The following UCK2 variants were observed in gnomAD, a reference collection of about 807,000 sequenced individuals.
UCK2 encodes cytidine monophosphokinase 2.
In UCK2, 6 loss-of-function variants were observed where a neutral mutation model predicts 30.8. The observed-to-expected ratio is 0.19, with a 90% CI of 0.11 to 0.38. The LOEUF (loss-of-function observed/expected upper bound fraction) is 0.38. UCK2 is among the 10% of genes least tolerant of loss of function. The pLI is 1.00. For missense variants in UCK2, 210 were observed against 339.8 expected (o/e 0.62, Z 3.00); for synonymous variants, 125 against 133.6 (o/e 0.94, Z 0.45).
intron 1 of UCK2, among the ~76,000 whole-genome samples, chr1:165,840,320 A>G (rs1173124495): frequency 6.6e-6 from 1 of 152,272 alleles, no homozygotes; most frequent in Non-Finnish European, 1.5e-5. Flanking sequence ...ATGTATGTAT[A>G]CATTGTGGAA....
rs1289373904 is a variant in UCK2, at chr1:165,828,024, A to C, written c.99+92A>C. ...GGCCGCGGGCCGTGTCAGTTGCGGC[A>C]GCCACCGCGTGGCCCGCGCGCCTCC... On this transcript the variant is annotated intron_variant, in intron 1 of 6. Coordinates refer to ENST00000367879, the MANE Select transcript of UCK2 (RefSeq NM_012474.5). 11 of 1,023,498 alleles carry C rather than the reference A, an allele frequency of 1.1e-5. No individual in the cohort carries two copies. The Admixed American group carries it at 1.4e-4, about 13-fold the overall frequency. 63.4% of individuals were successfully genotyped at this position (1,023,498 alleles called of 1,614,324 possible).
At chr1:165,829,628 A>T (rs1310340592) in intron 1 of UCK2, among the ~76,000 whole-genome samples, 1 of 152,208 alleles carries the variant, frequency 6.6e-6, no homozygotes, top group African/African-American at 2.4e-5. Context: ...CTAAAAGGTG[A>T]ATAACTCTGT....
chr1:165,849,333 C>T (rs533533938), intron 1 of UCK2, among the ~76,000 whole-genome samples: 65 of 152,162 alleles, frequency 4.3e-4, no homozygotes, highest in African/African-American at 1.4e-3. Context: ...AGAACCTGAC[C>T]GAGAGGCAAA....
At position 165,864,534 on chromosome 1, in the gene UCK2, A is replaced by G. The variant is rs112584982; in HGVS notation, c.100-25670A>G. ...ATAGTATAAAGAAGAAAAAACTTTCATGACCCAAACCTAACCATTAACTAA... is the reference window on the plus strand; with the variant it reads ...ATAGTATAAAGAAGAAAAAACTTTCGTGACCCAAACCTAACCATTAACTAA... On this transcript the variant is annotated intron_variant, in intron 1 of 6. Transcript: ENST00000367879. Among the ~76,000 whole-genome samples the G allele has an allele frequency of 3.3e-3, 497 of 152,352 alleles. 3 individuals are homozygous for G. The highest frequency in any genetic ancestry group is 0.011 in the African/African-American group (467 of 41,586).
chr1:165,836,145 T>G lies in UCK2; in HGVS notation c.99+8213T>G, dbSNP rs529127879. On this transcript the variant is annotated intron_variant, in intron 1 of 6. Coordinates refer to ENST00000367879, the MANE Select transcript of UCK2 (RefSeq NM_012474.5). ...CCGGAGGCTGAGGCAGGAGAATCAC[T>G]TGAACCCAGGAAGCAGAGGTTGCAG... Among the ~76,000 whole-genome samples the G allele has an allele frequency of 1.9e-4, 29 of 152,142 alleles. No homozygotes were observed. The East Asian group carries it at 5.6e-3, about 29-fold the overall frequency.
intron 1 of UCK2, among the ~76,000 whole-genome samples, chr1:165,845,231 T>C (rs565526441): frequency 3.3e-5 from 5 of 152,230 alleles, no homozygotes; most frequent in Non-Finnish European, 7.4e-5. Flanking sequence ...TGGTTGCTGG[T>C]GGGGAGAAAT....
intron 1 of UCK2, among the ~76,000 whole-genome samples, chr1:165,872,388 A>T (rs543385596): frequency 6.6e-6 from 1 of 152,192 alleles, no homozygotes; most frequent in African/African-American, 2.4e-5. Context: ...TTTTAGGCAT[A>T]TAAAAGATGT....
intron 1 of UCK2, among the ~76,000 whole-genome samples, chr1:165,838,605 A>T (rs1217885092): frequency 2.6e-5 from 4 of 151,964 alleles, no homozygotes; most frequent in Non-Finnish European, 1.5e-5. Context: ...TTGCTGGGGG[A>T]TGTGGATAGT....
intron 4 of UCK2, 128 bp from the exon 5 acceptor site, chr1:165,903,054 C>A: frequency 1.4e-6 from 1 of 690,032 alleles, no homozygotes; most frequent in Non-Finnish European, 2.5e-6. Flanking sequence ...TCAAGCCTCT[C>A]AGGATTCCAG....
intron 1 of UCK2, among the ~76,000 whole-genome samples, chr1:165,839,667 G>T (rs115850843): frequency 2.0e-5 from 3 of 152,160 alleles, no homozygotes; most frequent in Non-Finnish European, 4.4e-5. Context: ...AGTGGAGAAC[G>T]TGCGTGGGTT....
chr1:165,875,679 C>T (rs1179550878), intron 1 of UCK2, among the ~76,000 whole-genome samples: 1 of 152,188 alleles, frequency 6.6e-6, no homozygotes, highest in Non-Finnish European at 1.5e-5. Context: ...GCTCACAGAA[C>T]TCAGGGAAAC....
At chr1:165,857,822 C>T (rs1654788738) in intron 1 of UCK2, among the ~76,000 whole-genome samples, 1 of 152,180 alleles carries the variant, frequency 6.6e-6, no homozygotes, top group African/African-American at 2.4e-5. Context: ...GTTGGCCTTA[C>T]TTTCTCCCTT....
At chr1:165,840,080 G>A (rs1390974430) in intron 1 of UCK2, among the ~76,000 whole-genome samples, 4 of 152,194 alleles carry the variant, frequency 2.6e-5, no homozygotes, top group African/African-American at 4.8e-5. Flanking sequence ...CACCATGCCC[G>A]GCTACTTGTT....
chr1:165,905,843 C>T, intron 5 of UCK2, 78 bp from the exon 6 acceptor site: 1 of 1,368,554 alleles, frequency 7.3e-7, no homozygotes, highest in South Asian at 1.2e-5. Context: ...CTGCCCTTTC[C>T]CCATATTCCC....
At chr1:165,885,427 TTTG>T (rs1201034570) in intron 1 of UCK2, 3 of 398,320 alleles carry the variant, frequency 7.5e-6, no homozygotes, top group African/African-American at 6.2e-5. Flanking sequence ...TTCCATAGAT[TTTG>T]TTTTTTCCTT....
chr1:165,844,343 G>C (rs758841952), intron 1 of UCK2, among the ~76,000 whole-genome samples: 2 of 152,244 alleles, frequency 1.3e-5, no homozygotes, highest in Non-Finnish European at 2.9e-5. Context: ...TTCAGCACCT[G>C]TGGTACTGTG....
chr1:165,897,855 A>T (rs938462976), intron 4 of UCK2: 4 of 152,198 alleles, frequency 2.6e-5, no homozygotes, highest in Admixed American at 2.0e-4. Context: ...GTGTGATGGA[A>T]AAAAGAATGG....
intron 1 of UCK2, among the ~76,000 whole-genome samples, chr1:165,851,868 T>C (rs1327531191): frequency 6.6e-6 from 1 of 152,140 alleles, no homozygotes; most frequent in Non-Finnish European, 1.5e-5. Context: ...CTGTGTTAGT[T>C]TGCTGAGGAT....
At chr1:165,850,927 ATTTTTTT>A (rs61491030) in intron 1 of UCK2, among the ~76,000 whole-genome samples, 43 of 109,918 alleles carry the variant, frequency 3.9e-4, no homozygotes, top group Non-Finnish European at 6.0e-4. Flanking sequence ...TGGCCTTTAA[ATTTTTTT>A]TTTTTTTTTT....
Sources: allele counts gnomAD v4.1 joint callset (sites outside exome capture counted in the v4.1 genomes callset), GRCh38; gene constraint gnomAD v4.1.1; transcripts MANE v1.5; gene names NCBI Gene and HGNC (gene_info 2026-07-23, HGNC 2026-07-21).